MICU2: variants seen among roughly 807,000 people sequenced by gnomAD.
The protein encoded by MICU2 is mitochondrial calcium uptake 2, also known as calcium uptake protein 2, mitochondrial.
MICU2 carries 64 observed loss-of-function variants against 60.4 expected under a neutral mutation model. The ratio of observed to expected loss-of-function variants is 1.06; its 90% confidence interval spans 0.87 to 1.31. The LOEUF (loss-of-function observed/expected upper bound fraction) is 1.31. Ranked by LOEUF, MICU2 falls within the 50% of genes most tolerant of loss-of-function variation. MICU2 has a pLI of 0.00. For missense variants in MICU2, 569 were observed against 531.0 expected (o/e 1.07, Z -0.70); for synonymous variants, 201 against 175.0 (o/e 1.15, Z -1.17).
At chr13:21,539,613 A>G in intron 3 of MICU2, 44 bp downstream of exon 3, 3 of 1,613,360 alleles carry the variant, frequency 1.9e-6, no homozygotes, top group Non-Finnish European at 1.7e-6. Context: ...TTCATTTTCT[A>G]TCTTACCAAA....
At chr13:21,553,886 T>A (rs1887635191) in intron 2 of MICU2, among the ~76,000 whole-genome samples, 1 of 152,124 alleles carries the variant, frequency 6.6e-6, no homozygotes, top group Non-Finnish European at 1.5e-5. Flanking sequence ...GCAATCCTAG[T>A]CTCTGATAAA....
intron 6 of MICU2, chr13:21,515,767 T>G (rs1015249944): frequency 5.6e-5 from 10 of 179,280 alleles, no homozygotes; most frequent in African/African-American, 2.1e-4. Context: ...TTTAGGCAAG[T>G]GGTTTATTTC....
Position 21,592,714 on chromosome 13 carries a change from C to T in MICU2, c.210+11225G>A, listed in dbSNP as rs150066004. ...TGGGATGCAAGGGTGGTTCAACATACGCAAATCAATAAACATAATCCATCA... is the reference window on the plus strand; with the variant it reads ...TGGGATGCAAGGGTGGTTCAACATATGCAAATCAATAAACATAATCCATCA... On this transcript the variant is annotated intron_variant, in intron 1 of 11. Coordinates refer to ENST00000382374, the MANE Select transcript of MICU2 (RefSeq NM_152726.3). Among the ~76,000 whole-genome samples the T allele has an allele frequency of 1.8e-3, 277 of 152,242 alleles. 2 individuals are homozygous for T. The highest frequency in any genetic ancestry group is 6.4e-3 in the African/African-American group (264 of 41,534).
At chr13:21,525,737 G>C (rs1455912251) in intron 4 of MICU2, among the ~76,000 whole-genome samples, 1 of 151,524 alleles carries the variant, frequency 6.6e-6, no homozygotes, top group Non-Finnish European at 1.5e-5. Context: ...ATTTCTACTT[G>C]AGTCCTTTTC....
chr13:21,566,823 A>G lies in MICU2; in HGVS notation c.332T>C (p.Phe111Ser). 1 of 1,602,420 alleles carries G rather than the reference A, an allele frequency of 6.2e-7. No homozygotes were observed. Among genetic ancestry groups the G allele is most frequent in the Admixed American group, 1.7e-5 (1 of 57,952 alleles). Residue 111 changes from phenylalanine (F) to serine (S), a missense_variant, in exon 2 of 12, where the codon TTC becomes TCC. Coordinates refer to ENST00000382374, the MANE Select transcript of MICU2 (RefSeq NM_152726.3). ...EYYMTPRDFL[F>S]SVMFEQMERK... is the part of the protein sequence containing the mutation. ...TTCCATTTGCTCAAACATCACTGAG[A>G]AGAGGAAGTCTCGTGGTGTCATATA...
At chr13:21,548,346 T>A (rs1421017571) in intron 2 of MICU2, among the ~76,000 whole-genome samples, 1 of 152,202 alleles carries the variant, frequency 6.6e-6, no homozygotes, top group Non-Finnish European at 1.5e-5. Context: ...TGAACATAGG[T>A]TTTATTACAA....
At chr13:21,592,177 G>C (rs1251336672) in intron 1 of MICU2, among the ~76,000 whole-genome samples, 1 of 151,956 alleles carries the variant, frequency 6.6e-6, no homozygotes, top group African/African-American at 2.4e-5. Flanking sequence ...AATGATAAAG[G>C]GGATATCACC....
chr13:21,549,740 C>G (rs1428751606), intron 2 of MICU2, among the ~76,000 whole-genome samples: 1 of 152,194 alleles, frequency 6.6e-6, no homozygotes, highest in Non-Finnish European at 1.5e-5. Context: ...TTATTTCTCT[C>G]TTCCCAGTTC....
chr13:21,561,041 C>T lies in MICU2; in HGVS notation c.358+5756G>A, dbSNP rs187643953. ...TATTTTAAAATTTCTTTTGAGATTC[C>T]TTATTTGACCCATGTGTTATTTAAA... On this transcript the variant is annotated intron_variant, in intron 2 of 11. Coordinates refer to ENST00000382374, the MANE Select transcript of MICU2 (RefSeq NM_152726.3). Among the ~76,000 whole-genome samples, 416 of 152,198 alleles carry T rather than the reference C, an allele frequency of 2.7e-3. 1 individual carries two copies. Among genetic ancestry groups the T allele is most frequent in the Non-Finnish European group, 4.3e-3 (295 of 67,990 alleles).
Position 21,493,222 on chromosome 13 carries a change from A to G in MICU2, c.*27T>C, listed in dbSNP as rs1885904091. The G allele has an allele frequency of 1.3e-6, 2 of 1,483,644 alleles. No homozygotes were observed. The highest frequency in any genetic ancestry group is 1.2e-5 in the South Asian group (1 of 82,242). 91.9% of individuals were successfully genotyped at this position (1,483,644 alleles called of 1,614,324 possible). A position where few individuals can be genotyped will look rare whatever the true frequency, so the allele number is the denominator to read the frequency against. ...CACAAATTTTGACATTTGGAACAATATAATTGCCATACTATTATATCTTTT... is the reference window on the plus strand; with the variant it reads ...CACAAATTTTGACATTTGGAACAATGTAATTGCCATACTATTATATCTTTT... On this transcript the variant is annotated 3_prime_UTR_variant, in exon 12 of 12. Coordinates refer to ENST00000382374, the MANE Select transcript of MICU2 (RefSeq NM_152726.3).
intron 6 of MICU2, among the ~76,000 whole-genome samples, chr13:21,518,822 T>C (rs4770170): frequency 0.32 from 48,746 of 152,106 alleles, 8,754 homozygotes; most frequent in South Asian, 0.41. Context: ...CAAACACATT[T>C]CCTTCAAATA....
chr13:21,603,812 C>T, intron 1 of MICU2, 127 bp downstream of exon 1: 3 of 1,087,200 alleles, frequency 2.8e-6, no homozygotes, highest in South Asian at 1.6e-5. Flanking sequence ...GCAGGGCGCT[C>T]CGATCCGCAG....
At chr13:21,524,866 T>C (rs1178143826) in intron 4 of MICU2, among the ~76,000 whole-genome samples, 1 of 152,246 alleles carries the variant, frequency 6.6e-6, no homozygotes, top group Non-Finnish European at 1.5e-5. Flanking sequence ...AGATGAATCA[T>C]ACGATATTTG....
At chr13:21,566,689 C>A in intron 2 of MICU2, 108 bp downstream of exon 2, 2 of 941,180 alleles carry the variant, frequency 2.1e-6, no homozygotes, top group South Asian at 1.6e-5. Context: ...ATGCATGGTA[C>A]AAAGATGATA....
chr13:21,513,509 G>A (rs750324302), intron 7 of MICU2, among the ~76,000 whole-genome samples: 6 of 151,882 alleles, frequency 4.0e-5, no homozygotes, highest in Non-Finnish European at 5.9e-5. Flanking sequence ...AGGCCGAAGC[G>A]GGCGGATCAC....
At chr13:21,508,148 C>T (rs1420797227) in intron 8 of MICU2, among the ~76,000 whole-genome samples, 10 of 143,894 alleles carry the variant, frequency 6.9e-5, no homozygotes, top group Non-Finnish European at 9.1e-5. Flanking sequence ...TTTTTTGAGA[C>T]GGAGTCTCGC....
chr13:21,601,554 A>G (rs7326219), intron 1 of MICU2, among the ~76,000 whole-genome samples: 20,668 of 152,230 alleles, frequency 0.14, 1,557 homozygotes, highest in Middle Eastern at 0.23. Context: ...TGGGAAGAGA[A>G]TCCAAAATAA....
chr13:21,590,980 T>C (rs1888568584), intron 1 of MICU2, among the ~76,000 whole-genome samples: 1 of 152,164 alleles, frequency 6.6e-6, no homozygotes, highest in Admixed American at 6.5e-5. Context: ...CATCAACTAG[T>C]GTGCAAAATA....
intron 7 of MICU2, among the ~76,000 whole-genome samples, chr13:21,511,344 G>A (rs1232901162): frequency 3.3e-5 from 5 of 152,010 alleles, no homozygotes; most frequent in African/African-American, 1.2e-4. Context: ...GAAAATGTAA[G>A]GCATGACAAC....
Sources: allele counts gnomAD v4.1 joint callset (sites outside exome capture counted in the v4.1 genomes callset), GRCh38; gene constraint gnomAD v4.1.1; transcripts MANE v1.5; gene names NCBI Gene and HGNC (gene_info 2026-07-23, HGNC 2026-07-21).